Variants in NOL11 observed in about 807,000 individuals in gnomAD.
The protein encoded by NOL11 is nucleolar protein 11.
In NOL11, 42 loss-of-function variants were observed where a neutral mutation model predicts 93.0. The ratio of observed to expected loss-of-function variants is 0.45; its 90% CI spans 0.35 to 0.58. The LOEUF (loss-of-function observed/expected upper bound fraction) is 0.58. Ranked by LOEUF, NOL11 falls within the 20% of genes least tolerant of loss-of-function variation. The pLI, the probability that NOL11 is intolerant of heterozygous loss-of-function variation, is 0.00. For synonymous variants in NOL11, 296 were observed against 293.7 expected (o/e 1.01, Z -0.08); for missense variants, 775 against 841.8 (o/e 0.92, Z 0.98).
At chr17:67,724,677 T>A (rs1483153249) in intron 6 of NOL11, among the ~76,000 whole-genome samples, 1 of 152,218 alleles carries the variant, frequency 6.6e-6, no homozygotes, top group Non-Finnish European at 1.5e-5. Flanking sequence ...ATGCATTAGA[T>A]CAGTGATCCT....
At chr17:67,740,662 G>A (rs142283623) in intron 16 of NOL11, 73 of 153,942 alleles carry the variant, frequency 4.7e-4, no homozygotes, top group Middle Eastern at 2.1e-3. Context: ...TAAAAATAAT[G>A]TATTTACCCT....
rs141691494 is a variant in NOL11, at chr17:67,721,966, T to C, written c.461+440T>C. Among the ~76,000 whole-genome samples the C allele has an allele frequency of 5.5e-3, 832 of 152,356 alleles. 11 individuals carry two copies. The highest frequency in any genetic ancestry group is 0.019 in the African/African-American group (789 of 41,570). On this transcript the variant is annotated intron_variant, in intron 4 of 17. Coordinates refer to ENST00000253247, the MANE Select transcript of NOL11 (RefSeq NM_015462.5). ...GACACTTCATGATTCCACATCTTTCTGATACTCTTTATTTCATCACATTTC... is the reference window on the plus strand; with the variant it reads ...GACACTTCATGATTCCACATCTTTCCGATACTCTTTATTTCATCACATTTC...
chr17:67,724,434 A>G (rs1178064850), intron 6 of NOL11, among the ~76,000 whole-genome samples: 1 of 151,836 alleles, frequency 6.6e-6, no homozygotes, highest in Admixed American at 6.6e-5. Context: ...CCCAGAGTCA[A>G]ACAATTCTCC....
intron 14 of NOL11, 37 bp downstream of exon 14, chr17:67,738,392 T>C (rs1599047774): frequency 7.2e-7 from 1 of 1,387,904 alleles, no homozygotes; most frequent in Non-Finnish European, 1.0e-6. Context: ...TGTTTCTCTT[T>C]ATAGGATATA....
chr17:67,731,473 G>A lies in NOL11; in HGVS notation c.854-2890G>A, dbSNP rs1350526637. Among the ~76,000 whole-genome samples the A allele has an allele frequency of 6.1e-4, 2 of 3,302 alleles. 1 individual carries two copies. Among genetic ancestry groups the A allele is most frequent in the African/African-American group, 1.3e-3 (2 of 1,574 alleles). 2.2% of individuals were successfully genotyped at this position (3,302 alleles called of 152,430 possible). A position where few individuals can be genotyped will look rare whatever the true frequency, so the allele number is the denominator to read the frequency against. On this transcript the variant is annotated intron_variant, in intron 7 of 17. Coordinates refer to ENST00000253247, the MANE Select transcript of NOL11 (RefSeq NM_015462.5). ...AGAGACGGGGTTTCACCGTGGTCTC[G>A]ATCTCCTGACCTCGTGATCCGCCCG... is the stretch of plus-strand genomic sequence containing the variant.
chr17:67,737,072 TAAG>T lies in NOL11; in HGVS notation c.1146_1148del (p.Arg385del). The T allele has an allele frequency of 6.2e-7, 1 of 1,602,696 alleles. No individual in the cohort carries two copies. The highest frequency in any genetic ancestry group is 1.1e-5 in the South Asian group (1 of 90,816). On this transcript the variant is annotated inframe_deletion and splice_region_variant, in exon 11 of 18. Transcript: ENST00000253247. ...CCTAATCAATTTACTTAATTCCAGT[TAAG>T]GAGACGAAAAATTGAAGTGAGTTTA...
chr17:67,739,282 G>T (rs2055232622), intron 15 of NOL11, among the ~76,000 whole-genome samples: 1 of 152,124 alleles, frequency 6.6e-6, no homozygotes, highest in Non-Finnish European at 1.5e-5. Context: ...AGACAGAAGG[G>T]TTCTCTCTAC....
intron 14 of NOL11, 150 bp downstream of exon 14, chr17:67,738,505 T>C: frequency 1.6e-6 from 1 of 610,782 alleles, no homozygotes; most frequent in Non-Finnish European, 2.9e-6. Context: ...TTATGTTCAA[T>C]GCTACGTTAA....
intron 2 of NOL11, 27 bp from the exon 3 acceptor site, chr17:67,719,879 T>A (rs1567797692): frequency 3.2e-6 from 5 of 1,543,712 alleles, no homozygotes; most frequent in Non-Finnish European, 4.4e-6. Context: ...AATAGGATAG[T>A]TTTTAACTAG....
chr17:67,738,907 A>G (rs1383906750), intron 14 of NOL11, 25 bp from the exon 15 acceptor site: 2 of 1,440,930 alleles, frequency 1.4e-6, no homozygotes, highest in South Asian at 2.4e-5. Context: ...TATTTGTTGA[A>G]GTACGATTTT....
chr17:67,741,348 G>T (rs916119999), intron 16 of NOL11, among the ~76,000 whole-genome samples: 1 of 151,966 alleles, frequency 6.6e-6, no homozygotes, highest in African/African-American at 2.4e-5. Flanking sequence ...AGGATTACAG[G>T]TGTAAGCTAC....
intron 7 of NOL11, among the ~76,000 whole-genome samples, chr17:67,732,707 G>A (rs958881130): frequency 6.6e-6 from 1 of 151,258 alleles, no homozygotes; most frequent in East Asian, 2.0e-4. Flanking sequence ...CTGAGCAGCT[G>A]GGACTACAGG....
intron 7 of NOL11, among the ~76,000 whole-genome samples, chr17:67,728,918 C>T (rs553634533): frequency 1.6e-3 from 245 of 152,288 alleles, no homozygotes; most frequent in African/African-American, 5.6e-3. Context: ...ATTCATATAA[C>T]ATAAAATTAA....
intron 6 of NOL11, among the ~76,000 whole-genome samples, chr17:67,724,749 A>G (rs1309292597): frequency 6.6e-6 from 1 of 152,172 alleles, no homozygotes; most frequent in Non-Finnish European, 1.5e-5. Context: ...TTGCTTCTTT[A>G]TATTTTATGT....
At chr17:67,728,470 T>C (rs532732133) in intron 7 of NOL11, among the ~76,000 whole-genome samples, 1 of 152,266 alleles carries the variant, frequency 6.6e-6, no homozygotes, top group Admixed American at 6.5e-5. Flanking sequence ...TTAAGCCATG[T>C]ACCCTGCCGC....
At chr17:67,730,034 C>T (rs2055137596) in intron 7 of NOL11, among the ~76,000 whole-genome samples, 1 of 152,196 alleles carries the variant, frequency 6.6e-6, no homozygotes, top group Non-Finnish European at 1.5e-5. Flanking sequence ...GCCACCACGC[C>T]TGGCTAGCCA....
intron 7 of NOL11, among the ~76,000 whole-genome samples, chr17:67,732,375 C>T (rs1192428877): frequency 6.6e-6 from 1 of 151,064 alleles, no homozygotes; most frequent in Non-Finnish European, 1.5e-5. Context: ...ATCCCAGCTA[C>T]TTGGGGGAGC....
At chr17:67,737,993 C>T in intron 13 of NOL11, 21 bp downstream of exon 13, 1 of 1,585,458 alleles carries the variant, frequency 6.3e-7, no homozygotes, top group East Asian at 2.2e-5. Context: ...CTCCAATGGT[C>T]CTTTTTCTTC....
Position 67,725,399 on chromosome 17 carries a change from GA to G in NOL11, c.665-1051del, listed in dbSNP as rs922947505. On this transcript the variant is annotated intron_variant, in intron 6 of 17. Coordinates refer to ENST00000253247, the MANE Select transcript of NOL11 (RefSeq NM_015462.5). ...AGTCTTAGGCCTCTAGGGCGGGGAAGAAAAAAAAAAGTCTTTGTGGTACCCT... is the reference window on the plus strand; with the variant it reads ...AGTCTTAGGCCTCTAGGGCGGGGAAGAAAAAAAAAGTCTTTGTGGTACCCT... Among the ~76,000 whole-genome samples the G allele has an allele frequency of 6.0e-5, 9 of 148,778 alleles. No individual in the cohort carries two copies. The South Asian group carries it at 6.4e-4, about 11-fold the overall frequency.
Sources: gnomAD v4.1 joint callset for allele counts (sites outside exome capture counted in the v4.1 genomes callset) on GRCh38, gnomAD v4.1.1 for gene constraint, MANE v1.5 for transcripts, NCBI Gene and HGNC (gene_info 2026-07-23, HGNC 2026-07-21) for gene names.